Variants in TLE3 observed in about 807,000 individuals in gnomAD.
TLE3 encodes transducin-like enhancer protein 3.
TLE3 carries 14 observed loss-of-function variants against 93.0 expected under a neutral mutation model. That is an observed-to-expected ratio of 0.15 (90% CI 0.10 to 0.24). The LOEUF (loss-of-function observed/expected upper bound fraction) is 0.24, where lower values mean the gene tolerates loss of function less well. Among genes scored for constraint, TLE3 ranks in the 10% least tolerant of loss-of-function variants. The pLI is 1.00. For missense variants in TLE3, 693 were observed against 1,046.6 expected, an observed-to-expected ratio of 0.66 and a Z score of 4.66; for synonymous variants, 451 against 425.0, an observed-to-expected ratio of 1.06 and a Z score of -0.75.
At chr15:70,071,634 A>G (rs990505781) in intron 6 of TLE3, among the ~76,000 whole-genome samples, 1 of 152,250 alleles carries the variant, frequency 6.6e-6, no homozygotes, top group Non-Finnish European at 1.5e-5. Flanking sequence ...ATTAGGGCAG[A>G]TGGAGAAACT....
At chr15:70,090,549 C>A (rs1358718191) in intron 4 of TLE3, among the ~76,000 whole-genome samples, 1 of 152,182 alleles carries the variant, frequency 6.6e-6, no homozygotes, top group Non-Finnish European at 1.5e-5. Context: ...CACAAAACTT[C>A]TGTGTGCCTC....
At chr15:70,070,413 T>C (rs1449996467) in intron 6 of TLE3, among the ~76,000 whole-genome samples, 3 of 152,234 alleles carry the variant, frequency 2.0e-5, no homozygotes, top group African/African-American at 4.8e-5. Context: ...CGTAGTGAAG[T>C]TGTCTAAGCA....
intron 4 of TLE3, among the ~76,000 whole-genome samples, chr15:70,089,083 G>C (rs2058178350): frequency 6.6e-6 from 1 of 152,206 alleles, no homozygotes; most frequent in Non-Finnish European, 1.5e-5. Flanking sequence ...AAGACGTGTG[G>C]CTTCTAGAAC....
At chr15:70,088,052 T>A (rs1261366538) in intron 4 of TLE3, among the ~76,000 whole-genome samples, 1 of 152,184 alleles carries the variant, frequency 6.6e-6, no homozygotes, top group Non-Finnish European at 1.5e-5. Context: ...TTAGCGGTCA[T>A]GGCCTGACTC....
chr15:70,068,967 G>A (rs763824823), intron 6 of TLE3, among the ~76,000 whole-genome samples: 4 of 152,216 alleles, frequency 2.6e-5, no homozygotes, highest in African/African-American at 7.2e-5. Context: ...CAAGTCAGCC[G>A]ACCTCTCTGT....
Position 70,066,002 on chromosome 15 carries a change from G to GGCCC in TLE3, c.577+11_577+12insGGGC. ...CTGCCCCGCCCCACCCTCTGCCCCA[G>GGCCC]CCCAGCCGCACCTCTGTGATCGAGT... On this transcript the variant is annotated intron_variant, in intron 7 of 19. Transcript: ENST00000451782. 1 of 766,160 alleles carries GGCCC rather than the reference G, an allele frequency of 1.3e-6. No individual in the cohort carries two copies. Among genetic ancestry groups the GGCCC allele is most frequent in the Non-Finnish European group, 2.1e-6 (1 of 466,148 alleles). The allele number at this position is 766,160 out of a possible 1,614,324, so 47.5% of individuals were successfully genotyped here. A position where few individuals can be genotyped will look rare whatever the true frequency, so the allele number is the denominator to read the frequency against.
intron 4 of TLE3, among the ~76,000 whole-genome samples, chr15:70,091,965 G>A (rs2058330412): frequency 6.6e-6 from 1 of 151,810 alleles, no homozygotes; most frequent in South Asian, 2.1e-4. Flanking sequence ...AGTACAGACA[G>A]TCCCCACCCC....
intron 4 of TLE3, among the ~76,000 whole-genome samples, chr15:70,088,444 A>G (rs1031664360): frequency 6.6e-6 from 1 of 152,262 alleles, no homozygotes. Flanking sequence ...TTGAAGGAGA[A>G]GAGAAAGCCA....
rs1246244051 is a variant in TLE3 at position 70,096,775 on chromosome 15, C to T, written c.24G>A (p.Pro8=). Reference sequence around the variant, plus strand: ...AATAAACCGAGTTGCAATTACTCACCGGATGTCTGCCCTGCGGATACATGG... The same window carrying T: ...AATAAACCGAGTTGCAATTACTCACTGGATGTCTGCCCTGCGGATACATGG... MYPQGRH[P]APHQPGQPGF... Residue 8 remains proline, a splice_region_variant and synonymous_variant, in exon 1 of 20, where the codon CCG becomes CCA. Coordinates refer to ENST00000451782, the MANE Select transcript of TLE3 (RefSeq NM_001105192.3). 2.5e-6 allele frequency: 4 copies of T among 1,613,234 alleles called. No individual in the cohort carries two copies. The highest frequency in any genetic ancestry group is 1.3e-5 in the African/African-American group (1 of 75,032).
In TLE3 at chr15:70,088,739, G is replaced by C. The variant is rs71393480; in HGVS notation, c.234+5793C>G. Reference sequence around the variant, plus strand: ...TGATGAGAATTAAATATGGGGGAGGGGGCGGGTCATAACCAGTCATTACAG... The same window carrying C: ...TGATGAGAATTAAATATGGGGGAGGCGGCGGGTCATAACCAGTCATTACAG... On this transcript the variant is annotated intron_variant, in intron 4 of 19. Coordinates refer to ENST00000451782, the MANE Select transcript of TLE3 (RefSeq NM_001105192.3). Among the ~76,000 whole-genome samples, 209 of 152,066 alleles carry C rather than the reference G, an allele frequency of 1.4e-3. 1 individual carries two copies. Among genetic ancestry groups the C allele is most frequent in the Non-Finnish European group, 2.1e-3 (145 of 67,986 alleles).
chr15:70,068,251 A>AG (rs2056940870), intron 6 of TLE3, among the ~76,000 whole-genome samples: 1 of 151,888 alleles, frequency 6.6e-6, no homozygotes, highest in African/African-American at 2.4e-5. Flanking sequence ...TTTCTTTATG[A>AG]AAATCTACAC....
chr15:70,069,120 G>A (rs1290045722), intron 6 of TLE3, among the ~76,000 whole-genome samples: 2 of 152,208 alleles, frequency 1.3e-5, no homozygotes, highest in African/African-American at 4.8e-5. Flanking sequence ...AACAGAGACT[G>A]TGTCTTCTCC....
chr15:70,087,766 T>C (rs899942971), intron 4 of TLE3, among the ~76,000 whole-genome samples: 21 of 152,348 alleles, frequency 1.4e-4, no homozygotes, highest in African/African-American at 4.8e-4. Flanking sequence ...ACATTGGCAA[T>C]GGGAGGCTTT....
chr15:70,052,720 ACT>A (rs2141391349), intron 17 of TLE3, 196 bp from the exon 18 acceptor site: 1 of 449,382 alleles, frequency 2.2e-6, no homozygotes, highest in Non-Finnish European at 3.8e-6. Flanking sequence ...GCATTCAGTT[ACT>A]CTGTCTCTGA....
At position 70,058,070 on chromosome 15, in the gene TLE3, C is replaced by G. The variant is rs1185865229; in HGVS notation, c.1051+89G>C. 14 of 1,585,664 alleles carry G rather than the reference C, an allele frequency of 8.8e-6. 1 individual carries two copies. The East Asian group carries it at 3.2e-4, about 36-fold the overall frequency. On this transcript the variant is annotated intron_variant, in intron 12 of 19. Coordinates refer to ENST00000451782, the MANE Select transcript of TLE3 (RefSeq NM_001105192.3). This position sits in a 1 kb window ranked among gnomAD's most constrained non-coding sequence, Gnocchi z 4.1. ...GGGAGACACTGCCTGTGCTCTATCC[C>G]ATGCGTGTGTGTCACCCCTGCCCTG...
chr15:70,049,845 G>C lies in TLE3; in HGVS notation c.*252C>G. 3 of 405,802 alleles carry C rather than the reference G, an allele frequency of 7.4e-6. No individual in the cohort carries two copies. Among genetic ancestry groups the C allele is most frequent in the Admixed American group, 7.2e-5 (2 of 27,770 alleles). 25.1% of individuals were successfully genotyped at this position (405,802 alleles called of 1,614,324 possible). On this transcript the variant is annotated 3_prime_UTR_variant, in exon 20 of 20. Coordinates refer to ENST00000451782, the MANE Select transcript of TLE3 (RefSeq NM_001105192.3). ...TAAGCCTCCAATAAATCTATTTGTA[G>C]CAACTGCCAGCATTGTTCAGGGGGA... is the stretch of plus-strand genomic sequence containing the variant.
At chr15:70,077,410 C>G (rs1207583703) in intron 4 of TLE3, among the ~76,000 whole-genome samples, 1 of 152,198 alleles carries the variant, frequency 6.6e-6, no homozygotes, top group South Asian at 2.1e-4. Context: ...ATGACAACAG[C>G]CTTTAAAAAT....
chr15:70,074,985 G>A (rs987805106), intron 5 of TLE3, among the ~76,000 whole-genome samples: 9 of 152,228 alleles, frequency 5.9e-5, no homozygotes, highest in Admixed American at 5.9e-4. Context: ...CTGTAATCAT[G>A]AAGGATGGTA....
rs1055937452 is a variant in TLE3, at chr15:70,049,140, C to G, written c.*957G>C. ...TTCAGAAGAGCTGGAGAGGGAGTTC[C>G]TTTGAACTTCCATTGCTCACAACAA... On this transcript the variant is annotated 3_prime_UTR_variant, in exon 20 of 20. Transcript: ENST00000451782. The G allele has an allele frequency of 6.6e-6, 1 of 150,770 alleles. No individual in the cohort carries two copies. The highest frequency in any genetic ancestry group is 1.5e-5 in the Non-Finnish European group (1 of 66,868). 9.3% of individuals were successfully genotyped at this position (150,770 alleles called of 1,614,324 possible). A position where few individuals can be genotyped will look rare whatever the true frequency, so the allele number is the denominator to read the frequency against.
Sources: allele counts gnomAD v4.1 joint callset (sites outside exome capture counted in the v4.1 genomes callset), GRCh38; gene constraint gnomAD v4.1.1; non-coding constraint Gnocchi (gnomAD v3.1); transcripts MANE v1.5; gene names NCBI Gene and HGNC (gene_info 2026-07-23, HGNC 2026-07-21).